Variants in NPIPB2 observed in about 807,000 individuals in gnomAD.
NPIPB2 encodes the protein nuclear pore complex-interacting protein family member B2.
In NPIPB2, 27 loss-of-function variants were observed where a neutral mutation model predicts 30.8. The observed-to-expected ratio is 0.88, with a 90% CI of 0.65 to 1.21. The LOEUF is 1.21. Among genes scored for constraint, NPIPB2 ranks in the 50% most tolerant of loss-of-function variants. The probability of loss-of-function intolerance (pLI) is 0.00; values close to 1 mark genes in which losing one functional copy is unlikely to be tolerated. For missense variants in NPIPB2, 440 were observed against 446.2 expected, an observed-to-expected ratio of 0.99 and a Z score of 0.13; for synonymous variants, 147 against 162.0, an observed-to-expected ratio of 0.91 and a Z score of 0.70.
chr16:11,934,061 T>C (rs1007217112), intron 2 of NPIPB2, 137 bp from the exon 3 acceptor site: 76 of 680,542 alleles, frequency 1.1e-4, no homozygotes, highest in Non-Finnish European at 1.5e-4. Flanking sequence ...TGAAACCCCG[T>C]CTCTACTAAA....
chr16:11,933,702 G>C, exon 4 of NPIPB2: 1 of 1,596,934 alleles, frequency 6.3e-7, no homozygotes, highest in Non-Finnish European at 8.5e-7. Context: ...GCATACAAAT[G>C]GACCTCAGCC....
intron 4 of NPIPB2, among the ~76,000 whole-genome samples, chr16:11,933,309 C>A (rs2054816225): frequency 6.6e-6 from 1 of 151,630 alleles, no homozygotes; most frequent in Non-Finnish European, 1.5e-5. Context: ...CTAGCAACTC[C>A]TCTTCCCCTG....
chr16:11,934,259 T>C (rs181645146), intron 2 of NPIPB2, among the ~76,000 whole-genome samples: 330 of 58,300 alleles, frequency 5.7e-3, no homozygotes, highest in African/African-American at 0.012. Context: ...CACACACACA[T>C]AAGAATGACA....
chr16:11,936,334 G>T (rs1465659737), intron 2 of NPIPB2, among the ~76,000 whole-genome samples: 1 of 151,706 alleles, frequency 6.6e-6, no homozygotes, highest in Non-Finnish European at 1.5e-5. Flanking sequence ...AAAGAAAAAA[G>T]CTTCCTCCAA....
At chr16:11,960,178 G>A (rs1222210215) in intron 1 of NPIPB2, among the ~76,000 whole-genome samples, 1 of 152,116 alleles carries the variant, frequency 6.6e-6, no homozygotes, top group Non-Finnish European at 1.5e-5. Context: ...TCCCAGTGAC[G>A]AACAGTTCTG....
chr16:11,963,651 G>C (rs1258310351), intron 1 of NPIPB2, among the ~76,000 whole-genome samples: 1 of 152,090 alleles, frequency 6.6e-6, no homozygotes, highest in Non-Finnish European at 1.5e-5. Flanking sequence ...ACTGAATTAG[G>C]AGTTTGCCAT....
In NPIPB2 at chr16:11,955,646, G is replaced by C. The variant is rs146650490; in HGVS notation, c.-583-13532C>G. On this transcript the variant is annotated intron_variant, in intron 1 of 5. Transcript: ENST00000538896. Reference sequence around the variant, plus strand: ...TGAGGCAGGAGAATTGCTTGAACCTGAGAGGCAGAGGTTGCAGTGAGCTGA... The same window carrying C: ...TGAGGCAGGAGAATTGCTTGAACCTCAGAGGCAGAGGTTGCAGTGAGCTGA... Among the ~76,000 whole-genome samples, 874 of 151,262 alleles carry C rather than the reference G, an allele frequency of 5.8e-3. 13 individuals are homozygous for C. The highest frequency in any genetic ancestry group is 0.02 in the African/African-American group (830 of 41,220).
exon 3 of NPIPB2, chr16:11,933,887 C>T (rs1440474534): frequency 2.6e-6 from 4 of 1,560,100 alleles, no homozygotes; most frequent in Non-Finnish European, 3.5e-6. Flanking sequence ...TACATCATGT[C>T]CATTTTCAGA....
chr16:11,944,012 A>AAAAAAAAAAG, upstream of NPIPB2, among the ~76,000 whole-genome samples: 1 of 149,812 alleles, frequency 6.7e-6, no homozygotes, highest in South Asian at 2.1e-4. Context: ...AAAAAAAAAA[A>AAAAAAAAAAG]AAAGAGGCAA....
chr16:11,935,775 T>C (rs1343499691), intron 2 of NPIPB2, among the ~76,000 whole-genome samples: 3 of 126,986 alleles, frequency 2.4e-5, no homozygotes, highest in East Asian at 4.5e-4. Context: ...CTAGATTTCA[T>C]AGGAAAGGTA....
At chr16:11,936,416 A>T (rs2054869904) in intron 2 of NPIPB2, among the ~76,000 whole-genome samples, 1 of 148,578 alleles carries the variant, frequency 6.7e-6, no homozygotes, top group South Asian at 2.2e-4. Context: ...TATCTTCATA[A>T]CTCATATATT....
At chr16:11,972,272 T>A (rs911247833) in intron 1 of NPIPB2, among the ~76,000 whole-genome samples, 2 of 152,188 alleles carry the variant, frequency 1.3e-5, no homozygotes, top group African/African-American at 4.8e-5. Flanking sequence ...TGTAAATGTT[T>A]CCTACTAAGG....
chr16:11,974,044 T>A (rs2055252233), intron 1 of NPIPB2, among the ~76,000 whole-genome samples: 1 of 152,172 alleles, frequency 6.6e-6, no homozygotes, highest in African/African-American at 2.4e-5. Flanking sequence ...GGGGAAAAAT[T>A]GTTATTTTTG....
At chr16:11,944,536 G>T (rs1269132425), upstream of NPIPB2, among the ~76,000 whole-genome samples, 6 of 151,390 alleles carry the variant, frequency 4.0e-5, no homozygotes, top group Non-Finnish European at 8.8e-5. Context: ...GCCGAGGCGG[G>T]TGGATCACCT....
At chr16:11,960,872 CT>C (rs561398049) in intron 1 of NPIPB2, among the ~76,000 whole-genome samples, 158 of 143,554 alleles carry the variant, frequency 1.1e-3, no homozygotes, top group Non-Finnish European at 1.0e-3. Flanking sequence ...TCTTTCTTTT[CT>C]TTTTTTTTTT....
At chr16:11,967,983 T>G in intron 1 of NPIPB2, 1 of 962,266 alleles carries the variant, frequency 1.0e-6, no homozygotes, top group Non-Finnish European at 1.5e-6. Context: ...AAACTCTTTA[T>G]GTTAGATATA....
chr16:11,952,615 A>G (rs1259128589), intron 1 of NPIPB2, among the ~76,000 whole-genome samples: 1 of 148,276 alleles, frequency 6.7e-6, no homozygotes, highest in Non-Finnish European at 1.5e-5. Flanking sequence ...CCCAGGCTGA[A>G]GTGCAGTGGC....
chr16:11,964,391 T>G (rs1243706755), intron 1 of NPIPB2, among the ~76,000 whole-genome samples: 2 of 152,070 alleles, frequency 1.3e-5, no homozygotes, highest in Non-Finnish European at 2.9e-5. Flanking sequence ...TCTTCCTTAG[T>G]GCATCACCTC....
intron 1 of NPIPB2, among the ~76,000 whole-genome samples, chr16:11,951,666 A>ACACACATACACACC (rs1226047972): frequency 7.2e-6 from 1 of 138,874 alleles, no homozygotes; most frequent in South Asian, 2.6e-4. Flanking sequence ...ACACACACAC[A>ACACACATACACACC]CCCAGCCCCC....
Sources: gnomAD v4.1 joint callset for allele counts (sites outside exome capture counted in the v4.1 genomes callset) on GRCh38, gnomAD v4.1.1 for gene constraint, MANE v1.5 for transcripts, NCBI Gene and HGNC (gene_info 2026-07-23, HGNC 2026-07-21) for gene names.